Variants in CSMD1 observed in about 807,000 individuals in gnomAD.
CSMD1 encodes the protein CUB and sushi domain-containing protein 1.
A neutral mutation model predicts 417.5 loss-of-function variants in CSMD1; 213 were observed. The ratio of observed to expected loss-of-function variants is 0.51; its 90% CI spans 0.46 to 0.57. CSMD1 has a LOEUF of 0.57. Ranked by LOEUF, CSMD1 falls within the 20% of genes least tolerant of loss-of-function variation. CSMD1 has a pLI of 0.00. For synonymous variants in CSMD1, 2,862 were observed against 1,736.8 expected, an observed-to-expected ratio of 1.65 and a Z score of -16.11; for missense variants, 6,923 against 4,529.7, an observed-to-expected ratio of 1.53 and a Z score of -15.17.
At chr8:4,004,833 CT>C (rs1815979266) in intron 4 of CSMD1, among the ~76,000 whole-genome samples, 1 of 152,122 alleles carries the variant, frequency 6.6e-6, no homozygotes, top group South Asian at 2.1e-4. Flanking sequence ...TAAGCTCCGC[CT>C]CCCGGGTTCA....
chr8:4,013,054 T>C (rs1250846828), intron 4 of CSMD1, among the ~76,000 whole-genome samples: 1 of 152,194 alleles, frequency 6.6e-6, no homozygotes, highest in Non-Finnish European at 1.5e-5. Context: ...TCTCAGCTTA[T>C]GTTCTTTTCT....
chr8:3,706,338 T>C (rs1003763915), intron 7 of CSMD1, among the ~76,000 whole-genome samples: 2 of 152,368 alleles, frequency 1.3e-5, no homozygotes, highest in Admixed American at 6.5e-5. Flanking sequence ...TGCCTGTCGC[T>C]TCAAACCCTA....
chr8:4,367,416 A>G (rs549133391), intron 3 of CSMD1, among the ~76,000 whole-genome samples: 8 of 152,120 alleles, frequency 5.3e-5, no homozygotes, highest in African/African-American at 1.7e-4. Flanking sequence ...TCATTGGTCT[A>G]TGTGTCTATT....
chr8:4,652,501 A>T (rs1448144040), intron 1 of CSMD1, among the ~76,000 whole-genome samples: 1 of 152,088 alleles, frequency 6.6e-6, no homozygotes, highest in African/African-American at 2.4e-5. Flanking sequence ...CTGCCGAGAC[A>T]GATTCGCCCC....
At chr8:4,445,726 G>A (rs1453462786) in intron 2 of CSMD1, among the ~76,000 whole-genome samples, 2 of 152,272 alleles carry the variant, frequency 1.3e-5, no homozygotes, top group African/African-American at 2.4e-5. Flanking sequence ...GGGGCGTAAC[G>A]TTGCATTAAG....
intron 25 of CSMD1, 60 bp from the exon 26 acceptor site, chr8:3,284,406 G>T (rs1175625636): frequency 1.5e-6 from 2 of 1,308,122 alleles, no homozygotes; most frequent in Non-Finnish European, 2.2e-6. Context: ...TGACCCCATA[G>T]CTGTAAAGTA....
intron 5 of CSMD1, among the ~76,000 whole-genome samples, chr8:3,853,053 G>C (rs984559987): frequency 6.6e-6 from 1 of 151,974 alleles, no homozygotes; most frequent in Non-Finnish European, 1.5e-5. Context: ...GTCATCAGTC[G>C]AGCAACCCAC....
At chr8:4,018,964 T>A (rs894407673) in intron 4 of CSMD1, among the ~76,000 whole-genome samples, 4 of 152,240 alleles carry the variant, frequency 2.6e-5, no homozygotes, top group Non-Finnish European at 4.4e-5. Flanking sequence ...TCTGACATTT[T>A]GTGATTGCTT....
At chr8:3,801,669 G>A (rs1237582970) in intron 5 of CSMD1, among the ~76,000 whole-genome samples, 5 of 152,048 alleles carry the variant, frequency 3.3e-5, no homozygotes, top group African/African-American at 4.8e-5. Flanking sequence ...AAAACTAGTG[G>A]GCAAATATTC....
At chr8:4,726,242 G>C (rs371383349) in intron 1 of CSMD1, among the ~76,000 whole-genome samples, 2 of 151,668 alleles carry the variant, frequency 1.3e-5, no homozygotes, top group East Asian at 3.9e-4. Context: ...AAAAACTCTT[G>C]TGTGTTTCTA....
intron 12 of CSMD1, among the ~76,000 whole-genome samples, chr8:3,449,818 G>C (rs112009482): frequency 6.6e-6 from 1 of 152,088 alleles, no homozygotes; most frequent in East Asian, 1.9e-4. Flanking sequence ...GCACCTAGCC[G>C]AGAGCAACAT....
chr8:3,945,506 A>G (rs895959096), intron 5 of CSMD1, among the ~76,000 whole-genome samples: 3 of 152,056 alleles, frequency 2.0e-5, no homozygotes, highest in Non-Finnish European at 4.4e-5. Context: ...CATATTTCCA[A>G]AGTTTATTGG....
At chr8:4,309,688 T>A (rs948972349) in intron 3 of CSMD1, among the ~76,000 whole-genome samples, 1 of 152,172 alleles carries the variant, frequency 6.6e-6, no homozygotes, top group African/African-American at 2.4e-5. Context: ...CACATTTTTT[T>A]AGATTTTACT....
At chr8:4,809,478 A>G (rs374657987) in intron 1 of CSMD1, among the ~76,000 whole-genome samples, 4 of 152,292 alleles carry the variant, frequency 2.6e-5, no homozygotes, top group African/African-American at 9.6e-5. Context: ...AGAGACTTCC[A>G]GGGGATTGCC....
chr8:4,625,809 T>G (rs1224088143), intron 2 of CSMD1, among the ~76,000 whole-genome samples: 1 of 152,114 alleles, frequency 6.6e-6, no homozygotes, highest in Non-Finnish European at 1.5e-5. Flanking sequence ...TTCCAATCTC[T>G]GCCTCCCAAG....
At chr8:3,385,467 T>A (rs1585086887) in intron 18 of CSMD1, among the ~76,000 whole-genome samples, 1 of 151,952 alleles carries the variant, frequency 6.6e-6, no homozygotes, top group Non-Finnish European at 1.5e-5. Context: ...AAAAGTCAAC[T>A]ATCTTCTCTT....
At chr8:3,799,225 T>G (rs1800326347) in intron 5 of CSMD1, among the ~76,000 whole-genome samples, 1 of 151,870 alleles carries the variant, frequency 6.6e-6, no homozygotes. Context: ...CACAACTGAT[T>G]CTACAGTTTT....
chr8:4,676,678 G>A (rs992670932), intron 1 of CSMD1, among the ~76,000 whole-genome samples: 2 of 151,986 alleles, frequency 1.3e-5, no homozygotes, highest in African/African-American at 2.4e-5. Flanking sequence ...TTTTATTATA[G>A]CCTATGTAGC....
At chr8:3,269,553 T>G (rs1801684434) in intron 26 of CSMD1, among the ~76,000 whole-genome samples, 1 of 152,224 alleles carries the variant, frequency 6.6e-6, no homozygotes, top group Non-Finnish European at 1.5e-5. Flanking sequence ...ATGTAGCTGT[T>G]ACATTACTAC....
Sources: gnomAD v4.1 joint callset for allele counts (sites outside exome capture counted in the v4.1 genomes callset) on GRCh38, gnomAD v4.1.1 for gene constraint, MANE v1.5 for transcripts, NCBI Gene and HGNC (gene_info 2026-07-23, HGNC 2026-07-21) for gene names.